Variants in SPECC1 observed in about 807,000 individuals in gnomAD.
SPECC1 encodes cytospin-B.
Under a neutral mutation model 104.1 loss-of-function variants are expected in SPECC1, and 62 were observed. That is an observed-to-expected ratio of 0.60 (90% CI 0.49 to 0.74). SPECC1 has a LOEUF of 0.74. SPECC1 is among the 30% of genes least tolerant of loss of function. SPECC1 has a pLI of 0.00. For synonymous variants in SPECC1, 513 were observed against 501.6 expected, an observed-to-expected ratio of 1.02 and a Z score of -0.30; for missense variants, 1,306 against 1,310.5, an observed-to-expected ratio of 1.00 and a Z score of 0.05.
At chr17:20,145,170 G>A (rs1247845115) in intron 3 of SPECC1, among the ~76,000 whole-genome samples, 1 of 152,176 alleles carries the variant, frequency 6.6e-6, no homozygotes, top group Non-Finnish European at 1.5e-5. Context: ...GGAAGAACGA[G>A]TGCTTCAGTG....
chr17:20,145,269 T>G (rs2031327047), intron 3 of SPECC1, among the ~76,000 whole-genome samples: 1 of 152,188 alleles, frequency 6.6e-6, no homozygotes, highest in African/African-American at 2.4e-5. Context: ...CCTCGGTCTC[T>G]TGCTTGTAAG....
intron 12 of SPECC1, among the ~76,000 whole-genome samples, chr17:20,285,230 C>T (rs909786606): frequency 6.6e-6 from 1 of 152,170 alleles, no homozygotes; most frequent in Non-Finnish European, 1.5e-5. Flanking sequence ...TGTCCTGCTG[C>T]GTTATTCATG....
At position 20,119,422 on chromosome 17, in the gene SPECC1, G is replaced by A. The variant is rs140360385; in HGVS notation, c.283+8860G>A. Among the ~76,000 whole-genome samples, 244 of 152,290 alleles carry A rather than the reference G, an allele frequency of 1.6e-3. 2 individuals carry two copies. The highest frequency in any genetic ancestry group is 5.4e-3 in the African/African-American group (225 of 41,566). ...TAATGTTGTACTTTTAGTTGAGATC[G>A]GGTTTCTCCATGTTGGTCAGGCTGG... is the stretch of plus-strand genomic sequence containing the variant. On this transcript the variant is annotated intron_variant, in intron 3 of 14. Coordinates refer to ENST00000395527, the MANE Select transcript of SPECC1 (RefSeq NM_001243439.2).
chr17:20,137,449 G>A (rs954801868), intron 3 of SPECC1, among the ~76,000 whole-genome samples: 1 of 152,148 alleles, frequency 6.6e-6, no homozygotes, highest in African/African-American at 2.4e-5. Flanking sequence ...AGAACTAAGA[G>A]CAGAAACTGA....
chr17:20,022,645 C>T (rs902170805), intron 1 of SPECC1, among the ~76,000 whole-genome samples: 1 of 152,190 alleles, frequency 6.6e-6, no homozygotes, highest in African/African-American at 2.4e-5. Context: ...GTATTTCAGT[C>T]CTGGCTAGAG....
intron 1 of SPECC1, among the ~76,000 whole-genome samples, chr17:20,064,885 T>C (rs935872640): frequency 1.3e-5 from 2 of 152,168 alleles, no homozygotes; most frequent in African/African-American, 2.4e-5. Context: ...TACTTTCTTA[T>C]GGTAAAATGT....
chr17:20,205,024 G>T lies in SPECC1; in HGVS notation c.975G>T (p.Ser325=), dbSNP rs747758618. 1.9e-5 allele frequency: 31 copies of T among 1,613,902 alleles called. No homozygotes were observed. Among genetic ancestry groups the T allele is most frequent in the Middle Eastern group, 1.6e-4 (1 of 6,082 alleles). Reference sequence around the variant, plus strand: ...GCGATGTTACCAAAGCTTCTTTGTCGCCAGATGCTTCCGACTTTGAGCACA... The same window carrying T: ...GCGATGTTACCAAAGCTTCTTTGTCTCCAGATGCTTCCGACTTTGAGCACA... ...SSSDVTKASL[S]PDASDFEHIT... Residue 325 remains serine (S), a synonymous_variant, in exon 4 of 15, where the codon TCG becomes TCT. Transcript: ENST00000395527.
intron 3 of SPECC1, among the ~76,000 whole-genome samples, chr17:20,190,573 C>A (rs1051631815): frequency 8.5e-5 from 13 of 152,232 alleles, no homozygotes; most frequent in African/African-American, 2.2e-4. Context: ...TGTTCCCAAA[C>A]ACACTCAGCC....
chr17:20,294,132 C>G (rs2041262949), intron 12 of SPECC1, among the ~76,000 whole-genome samples: 1 of 152,140 alleles, frequency 6.6e-6, no homozygotes, highest in Non-Finnish European at 1.5e-5. Flanking sequence ...CAGGTGCCCA[C>G]CACCACACCT....
At chr17:20,275,924 A>G (rs2040560442) in intron 12 of SPECC1, among the ~76,000 whole-genome samples, 1 of 151,722 alleles carries the variant, frequency 6.6e-6, no homozygotes, top group Non-Finnish European at 1.5e-5. Flanking sequence ...TGTTCCAGAT[A>G]TTTTGAACCA....
chr17:20,223,139 C>G (rs1942856909), intron 4 of SPECC1, among the ~76,000 whole-genome samples: 1 of 152,118 alleles, frequency 6.6e-6, no homozygotes, highest in Non-Finnish European at 1.5e-5. Flanking sequence ...CAATCTCTCT[C>G]TCTACCTCCT....
chr17:20,289,478 T>C (rs2041083813), intron 12 of SPECC1, among the ~76,000 whole-genome samples: 1 of 152,128 alleles, frequency 6.6e-6, no homozygotes, highest in South Asian at 2.1e-4. Flanking sequence ...ATTTTTTGTA[T>C]TTTTAGTAGA....
chr17:20,219,825 G>T (rs140652664), intron 4 of SPECC1, among the ~76,000 whole-genome samples: 3 of 152,090 alleles, frequency 2.0e-5, no homozygotes, highest in African/African-American at 4.8e-5. Context: ...GGTCTTAGAT[G>T]TAAGTCTTTA....
At chr17:20,301,804 C>G (rs773644842) in intron 13 of SPECC1, among the ~76,000 whole-genome samples, 1 of 152,124 alleles carries the variant, frequency 6.6e-6, no homozygotes. Flanking sequence ...CTCCCAAGTC[C>G]AAGCGATTCT....
intron 1 of SPECC1, among the ~76,000 whole-genome samples, chr17:20,057,501 T>C (rs193168992): frequency 5.7e-4 from 87 of 152,088 alleles, no homozygotes; most frequent in Non-Finnish European, 1.1e-3. Flanking sequence ...TTTTTGTTTG[T>C]TTTTGTTTTT....
At chr17:20,306,752 A>G (rs1046952359) in intron 14 of SPECC1, among the ~76,000 whole-genome samples, 9 of 152,250 alleles carry the variant, frequency 5.9e-5, no homozygotes, top group Non-Finnish European at 1.3e-4. Flanking sequence ...CAAATTTATA[A>G]TATCTGTGCT....
At chr17:20,026,992 AGGATATCTCATAGT>A (rs2044626358) in intron 1 of SPECC1, among the ~76,000 whole-genome samples, 2 of 152,114 alleles carry the variant, frequency 1.3e-5, no homozygotes, top group African/African-American at 4.8e-5. Flanking sequence ...CTGGAGTGAG[AGGATATCTCATAGT>A]GGTCTTGATT....
chr17:20,083,331 T>C (rs2047054998), intron 1 of SPECC1, among the ~76,000 whole-genome samples: 1 of 152,148 alleles, frequency 6.6e-6, no homozygotes, highest in Admixed American at 6.5e-5. Context: ...TATACAGTCA[T>C]ACAAGAGAGG....
At chr17:20,190,604 CAA>C (rs1013305642) in intron 3 of SPECC1, among the ~76,000 whole-genome samples, 1 of 152,204 alleles carries the variant, frequency 6.6e-6, no homozygotes, top group African/African-American at 2.4e-5. Context: ...CAACATCTTC[CAA>C]TCAGTGAACC....
Sources: gnomAD v4.1 joint callset for allele counts (sites outside exome capture counted in the v4.1 genomes callset) on GRCh38, gnomAD v4.1.1 for gene constraint, MANE v1.5 for transcripts, NCBI Gene and HGNC (gene_info 2026-07-23, HGNC 2026-07-21) for gene names.